Variants in GSE1 observed in about 807,000 individuals in gnomAD.
The protein encoded by GSE1 is genetic suppressor element 1.
A neutral mutation model predicts 112.6 loss-of-function variants in GSE1; 32 were observed. That is an observed-to-expected ratio of 0.28 (90% CI 0.21 to 0.38). GSE1 has a LOEUF of 0.38. Ranked by LOEUF, GSE1 falls within the 10% of genes least tolerant of loss-of-function variation. GSE1 has a pLI of 1.00. For synonymous variants in GSE1, 1,115 were observed against 735.6 expected (o/e 1.52, Z -8.35); for missense variants, 2,348 against 1,699.2 (o/e 1.38, Z -6.71).
intron 2 of GSE1, among the ~76,000 whole-genome samples, chr16:85,415,657 C>A (rs910681127): frequency 6.6e-6 from 1 of 152,260 alleles, no homozygotes; most frequent in Non-Finnish European, 1.5e-5. Flanking sequence ...AAGATTCATT[C>A]CCTGTACAGT....
At chr16:85,670,147 A>G (rs1363267797) in intron 14 of GSE1, among the ~76,000 whole-genome samples, 1 of 152,168 alleles carries the variant, frequency 6.6e-6, no homozygotes, top group Non-Finnish European at 1.5e-5. Context: ...TATCACATAG[A>G]TTTTGGGGGT....
In GSE1 at chr16:85,668,246, C is replaced by G. The variant is rs912318213; in HGVS notation, c.3237C>G (p.His1079Gln). ...QSSSRAPPPQ[H>Q]NGQQEPPTAR... Reference sequence around the variant, plus strand: ...CCAGCCGCGCCCCTCCACCCCAGCACAATGGGCAGCAGGAGCCCCCCACTG... The same window carrying G: ...CCAGCCGCGCCCCTCCACCCCAGCAGAATGGGCAGCAGGAGCCCCCCACTG... Residue 1079 changes from histidine (H) to glutamine (Q), a missense_variant, in exon 14 of 16, where the codon CAC becomes CAG. By Grantham distance (24) the His-to-Gln change is conservative. Transcript: ENST00000253458. 3 of 1,611,536 alleles carry G rather than the reference C, an allele frequency of 1.9e-6. No homozygotes were observed. The highest frequency in any genetic ancestry group is 2.7e-5 in the African/African-American group (2 of 75,004).
intron 14 of GSE1, 21 bp downstream of exon 14, chr16:85,668,445 A>G (rs1289092598): frequency 2.0e-5 from 19 of 956,728 alleles, no homozygotes; most frequent in Admixed American, 3.6e-5. Context: ...GCTGGGGAAG[A>G]GGGGGGAGGG....
chr16:85,485,288 G>A (rs919178456), intron 2 of GSE1, among the ~76,000 whole-genome samples: 3 of 152,236 alleles, frequency 2.0e-5, no homozygotes, highest in African/African-American at 7.2e-5. Flanking sequence ...AGAGAATGGC[G>A]TTGGTCCGGA....
chr16:85,565,415 A>C (rs112644431), intron 1 of GSE1, among the ~76,000 whole-genome samples: 11,916 of 150,720 alleles, frequency 0.079, 568 homozygotes, highest in Middle Eastern at 0.16. Flanking sequence ...ACAAAAAAAA[A>C]CAAAAAAACC....
chr16:85,655,727 A>G lies in GSE1; in HGVS notation c.799A>G (p.Met267Val). Residue 267 changes from methionine (M) to valine (V), a missense_variant and splice_region_variant, in exon 6 of 16, where the codon ATG (methionine) becomes GTG (valine). Physicochemically the swap from Met to Val is conservative, Grantham distance 21. Transcript: ENST00000253458. Reference sequence around the variant, plus strand: ...CACAGCCCCGTCTTCTCTGCACAGGATGGACGACTCCTACTGCCTGTCTGC... The same window carrying G: ...CACAGCCCCGTCTTCTCTGCACAGGGTGGACGACTCCTACTGCCTGTCTGC... The part of the protein sequence containing the change: ...PHPFPHPAFR[M>V]DDSYCLSALR... 1 of 1,598,128 alleles carries G rather than the reference A, an allele frequency of 6.3e-7. No individual in the cohort carries two copies. The highest frequency in any genetic ancestry group is 2.2e-5 in the East Asian group (1 of 44,778).
chr16:85,363,642 C>T (rs2047128051), intron 2 of GSE1, among the ~76,000 whole-genome samples: 1 of 152,182 alleles, frequency 6.6e-6, no homozygotes, highest in Non-Finnish European at 1.5e-5. Flanking sequence ...AGCTGTTTTC[C>T]CACCAGAGGG....
intron 2 of GSE1, among the ~76,000 whole-genome samples, chr16:85,398,174 G>A (rs1015423243): frequency 2.0e-5 from 3 of 152,204 alleles, no homozygotes; most frequent in Non-Finnish European, 2.9e-5. Flanking sequence ...CAAAATGGGC[G>A]TGATGGGATC....
At chr16:85,414,454 C>T (rs1489459924) in intron 2 of GSE1, among the ~76,000 whole-genome samples, 1 of 152,190 alleles carries the variant, frequency 6.6e-6, no homozygotes, top group Non-Finnish European at 1.5e-5. Context: ...ATTTTCTATT[C>T]TGTTTTGTGC....
intron 2 of GSE1, among the ~76,000 whole-genome samples, chr16:85,542,219 C>T (rs1039483662): frequency 4.6e-5 from 7 of 152,214 alleles, no homozygotes; most frequent in African/African-American, 1.4e-4. Flanking sequence ...TTTGGATCAG[C>T]AGGCGAAGGC....
chr16:85,424,615 A>T (rs1427775609), intron 2 of GSE1, among the ~76,000 whole-genome samples: 1 of 152,238 alleles, frequency 6.6e-6, no homozygotes, highest in Non-Finnish European at 1.5e-5. Flanking sequence ...TCTTGCTCAC[A>T]TACTTTAAAA....
intron 2 of GSE1, among the ~76,000 whole-genome samples, chr16:85,382,250 C>A (rs1331618662): frequency 6.6e-6 from 1 of 152,198 alleles, no homozygotes; most frequent in Non-Finnish European, 1.5e-5. Context: ...ATTCTCCAGC[C>A]CGCCCTTATC....
At chr16:85,217,759 G>T (rs2075328048) in intron 1 of GSE1, among the ~76,000 whole-genome samples, 1 of 152,054 alleles carries the variant, frequency 6.6e-6, no homozygotes, top group Admixed American at 6.6e-5. Flanking sequence ...TGTTGCCCAC[G>T]TCATTTTTCC....
At chr16:85,478,051 G>A (rs574848374) in intron 2 of GSE1, among the ~76,000 whole-genome samples, 2 of 152,150 alleles carry the variant, frequency 1.3e-5, no homozygotes, top group African/African-American at 2.4e-5. Context: ...CCCTGGCCTC[G>A]GACATCCACT....
At chr16:85,627,773 A>G (rs2049199556) in intron 1 of GSE1, among the ~76,000 whole-genome samples, 1 of 152,200 alleles carries the variant, frequency 6.6e-6, no homozygotes, top group Non-Finnish European at 1.5e-5. Context: ...TAATGTAGAC[A>G]AGAATTCAGT....
At chr16:85,600,971 CTCGGTGGG>C (rs754503725) in intron 1 of GSE1, among the ~76,000 whole-genome samples, 135 of 152,008 alleles carry the variant, frequency 8.9e-4, no homozygotes, top group Middle Eastern at 3.4e-3. Context: ...AAAGCAACCC[CTCGGTGGG>C]AGGAGGGAAG....
chr16:85,385,608 C>T (rs2047670741), intron 2 of GSE1, among the ~76,000 whole-genome samples: 1 of 152,118 alleles, frequency 6.6e-6, no homozygotes, highest in Non-Finnish European at 1.5e-5. Flanking sequence ...AGTCCCGTGG[C>T]ACCCCCAGGG....
intron 1 of GSE1, among the ~76,000 whole-genome samples, chr16:85,265,106 C>T (rs3934541): frequency 0.58 from 88,618 of 152,052 alleles, 26,503 homozygotes; most frequent in African/African-American, 0.71. Context: ...TGGCGGGGGC[C>T]GCTTCCCTGC....
chr16:85,260,330 T>C (rs1244185255), intron 1 of GSE1, among the ~76,000 whole-genome samples: 9 of 142,308 alleles, frequency 6.3e-5, no homozygotes, highest in South Asian at 2.4e-4. Context: ...TTTTTTTTTT[T>C]TTTTTTTTTT....
Sources: allele counts gnomAD v4.1 joint callset (sites outside exome capture counted in the v4.1 genomes callset), GRCh38; gene constraint gnomAD v4.1.1; transcripts MANE v1.5; gene names NCBI Gene and HGNC (gene_info 2026-07-23, HGNC 2026-07-21).